Variants in FOXN3 observed in about 807,000 individuals in gnomAD.
The protein encoded by FOXN3 is forkhead box N3.
A neutral mutation model predicts 38.4 loss-of-function variants in FOXN3; 7 were observed. The observed-to-expected ratio is 0.18, with a 90% CI of 0.10 to 0.34. FOXN3 has a LOEUF of 0.34. FOXN3 is among the 10% of genes least tolerant of loss of function. The pLI is 1.00. For synonymous variants in FOXN3, 230 were observed against 242.2 expected (o/e 0.95, Z 0.47); for missense variants, 456 against 613.4 (o/e 0.74, Z 2.71).
intron 2 of FOXN3, among the ~76,000 whole-genome samples, chr14:89,408,967 C>G (rs1305134273): frequency 6.6e-6 from 1 of 152,154 alleles, no homozygotes; most frequent in Non-Finnish European, 1.5e-5. Context: ...TAGCATACCC[C>G]AAGTGACTGG....
At chr14:89,599,179 C>T (rs924083475) in intron 1 of FOXN3, among the ~76,000 whole-genome samples, 9 of 152,156 alleles carry the variant, frequency 5.9e-5, no homozygotes, top group African/African-American at 1.4e-4. Flanking sequence ...ATTGCATCTA[C>T]TCTATTGAAC....
At chr14:89,513,925 C>T (rs1286858855) in intron 1 of FOXN3, among the ~76,000 whole-genome samples, 5 of 151,686 alleles carry the variant, frequency 3.3e-5, no homozygotes, top group South Asian at 2.1e-4. Flanking sequence ...CACACACACA[C>T]ACACGCACGC....
At chr14:89,255,169 G>A (rs1596134527) in intron 4 of FOXN3, among the ~76,000 whole-genome samples, 1 of 152,180 alleles carries the variant, frequency 6.6e-6, no homozygotes, top group Non-Finnish European at 1.5e-5. Flanking sequence ...AGGACACAGT[G>A]CATTGTGAAA....
chr14:89,474,426 T>C (rs1893168062), intron 1 of FOXN3, among the ~76,000 whole-genome samples: 1 of 152,214 alleles, frequency 6.6e-6, no homozygotes, highest in Non-Finnish European at 1.5e-5. Flanking sequence ...AGTCTGTAAG[T>C]ACCTTGATGT....
chr14:89,540,561 C>T (rs531889504), intron 1 of FOXN3, among the ~76,000 whole-genome samples: 6 of 152,008 alleles, frequency 3.9e-5, no homozygotes, highest in Non-Finnish European at 5.9e-5. Context: ...AGTGAAACGT[C>T]GTCTCTACTA....
intron 3 of FOXN3, among the ~76,000 whole-genome samples, chr14:89,342,013 T>C (rs927514081): frequency 6.6e-5 from 10 of 152,240 alleles, no homozygotes; most frequent in Admixed American, 2.6e-4. Context: ...CATGAGGTAT[T>C]GGAAACACAG....
chr14:89,181,851 G>C (rs1331872613), intron 4 of FOXN3, among the ~76,000 whole-genome samples: 1 of 152,228 alleles, frequency 6.6e-6, no homozygotes, highest in Non-Finnish European at 1.5e-5. Flanking sequence ...GGGCAGGGGA[G>C]CATCACTAAG....
At chr14:89,441,550 T>C (rs1192023986) in intron 1 of FOXN3, among the ~76,000 whole-genome samples, 1 of 152,180 alleles carries the variant, frequency 6.6e-6, no homozygotes, top group African/African-American at 2.4e-5. Flanking sequence ...TAATCACTTT[T>C]AGGGTCTAGG....
rs528063274 is a variant in FOXN3 at position 89,532,482 on chromosome 14, C to A, written c.-15+86546G>T. Among the ~76,000 whole-genome samples, 172 of 152,082 alleles carry A rather than the reference C, an allele frequency of 1.1e-3. 5 individuals are homozygous for A. The highest frequency in any genetic ancestry group is 4.1e-4 in the Non-Finnish European group (28 of 68,028). On this transcript the variant is annotated intron_variant, in intron 1 of 6. Transcript: ENST00000345097. ...CATGTCACAACCATATTTTTTAAAA[C>A]CCTCTTCCCTCTCCAAACTGTTTAA...
At chr14:89,546,569 T>A (rs1894889895) in intron 1 of FOXN3, among the ~76,000 whole-genome samples, 1 of 151,544 alleles carries the variant, frequency 6.6e-6, no homozygotes, top group Admixed American at 6.6e-5. Flanking sequence ...GACCTCGTGA[T>A]CCACCCACCT....
At chr14:89,347,414 T>C (rs979504812) in intron 3 of FOXN3, among the ~76,000 whole-genome samples, 3 of 151,974 alleles carry the variant, frequency 2.0e-5, no homozygotes, top group African/African-American at 4.8e-5. Flanking sequence ...CACCAGAAGC[T>C]AGGAGAGAGG....
intron 1 of FOXN3, among the ~76,000 whole-genome samples, chr14:89,587,477 T>A (rs1046051492): frequency 2.0e-5 from 3 of 151,788 alleles, no homozygotes; most frequent in African/African-American, 7.3e-5. Flanking sequence ...AGGACTGGGG[T>A]CATCTAGAGG....
chr14:89,430,527 G>A (rs1892132815), intron 1 of FOXN3, among the ~76,000 whole-genome samples: 1 of 152,158 alleles, frequency 6.6e-6, no homozygotes, highest in Non-Finnish European at 1.5e-5. Context: ...TATAAACTGT[G>A]CTATTTGCTA....
At chr14:89,408,655 C>G (rs1456621417) in intron 2 of FOXN3, among the ~76,000 whole-genome samples, 3 of 150,940 alleles carry the variant, frequency 2.0e-5, no homozygotes, top group Non-Finnish European at 4.4e-5. Context: ...TCCAAGCCCT[C>G]AGGGACAGGG....
At chr14:89,325,299 C>G (rs1209997238) in intron 3 of FOXN3, among the ~76,000 whole-genome samples, 6 of 144,234 alleles carry the variant, frequency 4.2e-5, no homozygotes, top group African/African-American at 1.5e-4. Context: ...CCACCAACAC[C>G]AACACCACCA....
At chr14:89,463,553 T>TCCTAG (rs1330036911) in intron 1 of FOXN3, among the ~76,000 whole-genome samples, 2 of 152,166 alleles carry the variant, frequency 1.3e-5, no homozygotes, top group East Asian at 3.9e-4. Context: ...TACACTGGGT[T>TCCTAG]CCAATTATCC....
chr14:89,160,135 A>C lies in FOXN3; in HGVS notation c.*2279T>G, dbSNP rs2139770924. ...CCTCACGCATCATATCCTGAGCCACAGTACTGGGTGTTTTTGTTTTAAAGT... is the reference window on the plus strand; with the variant it reads ...CCTCACGCATCATATCCTGAGCCACCGTACTGGGTGTTTTTGTTTTAAAGT... On this transcript the variant is annotated 3_prime_UTR_variant, in exon 6 of 6. Coordinates refer to ENST00000557258, the MANE Select transcript of FOXN3 (RefSeq NM_005197.4). 6.6e-6 allele frequency: 1 copy of C among 151,974 alleles called. No homozygotes were observed. The highest frequency in any genetic ancestry group is 1.5e-5 in the Non-Finnish European group (1 of 67,988). 9.4% of individuals were successfully genotyped at this position (151,974 alleles called of 1,614,324 possible).
intron 1 of FOXN3, among the ~76,000 whole-genome samples, chr14:89,447,729 C>T (rs1892532621): frequency 6.6e-6 from 1 of 151,904 alleles, no homozygotes; most frequent in Non-Finnish European, 1.5e-5. Context: ...GGTCTCTCTG[C>T]TACCAAGTCT....
At chr14:89,521,354 TAGATAG>T (rs1596306375) in intron 1 of FOXN3, among the ~76,000 whole-genome samples, 1 of 92,306 alleles carries the variant, frequency 1.1e-5, no homozygotes, top group Non-Finnish European at 2.2e-5. Flanking sequence ...TCATAGATGA[TAGATAG>T]AGAGAGAGAG....
Sources: gnomAD v4.1 joint callset for allele counts (sites outside exome capture counted in the v4.1 genomes callset) on GRCh38, gnomAD v4.1.1 for gene constraint, MANE v1.5 for transcripts, NCBI Gene and HGNC (gene_info 2026-07-23, HGNC 2026-07-21) for gene names.